DZANK1: variants seen among roughly 807,000 people sequenced by gnomAD.
The protein encoded by DZANK1 is double zinc ribbon and ankyrin repeat domains 1.
In DZANK1, 91 loss-of-function variants were observed where a neutral mutation model predicts 94.5. That is an observed-to-expected ratio of 0.96 (90% CI 0.81 to 1.15). The LOEUF (loss-of-function observed/expected upper bound fraction) is 1.15. DZANK1 is among the 50% of genes most tolerant of loss of function. The pLI, the probability that DZANK1 is intolerant of heterozygous loss-of-function variation, is 0.00. For synonymous variants in DZANK1, 312 were observed against 325.3 expected, an observed-to-expected ratio of 0.96 and a Z score of 0.44; for missense variants, 903 against 916.4, an observed-to-expected ratio of 0.99 and a Z score of 0.19.
At chr20:18,413,208 T>C (rs1161378399) in intron 12 of DZANK1, 1 of 270,118 alleles carries the variant, frequency 3.7e-6, no homozygotes, top group Non-Finnish European at 7.0e-6. Context: ...TTCTCTAACA[T>C]ACTTTCCTGC....
chr20:18,460,301 G>C lies in DZANK1; in HGVS notation c.115C>G (p.Pro39Ala), dbSNP rs780148339. The C allele has an allele frequency of 2.6e-6, 4 of 1,523,462 alleles. No individual in the cohort carries two copies. In the East Asian group the frequency reaches 9.3e-5, roughly 35 times the overall value. 94.4% of individuals were successfully genotyped at this position (1,523,462 alleles called of 1,614,324 possible). A position where few individuals can be genotyped will look rare whatever the true frequency, so the allele number is the denominator to read the frequency against. ...AGAGTATAATATATGTTGACATCTG[G>C]AGTGTCTGAAAAATCCAAAACAGGA... is the stretch of plus-strand genomic sequence containing the variant. Residue 39 changes from proline (P) to alanine (A), a missense_variant, in exon 3 of 21, where the codon CCA (proline) becomes GCA (alanine). Transcript: ENST00000262547.
intron 11 of DZANK1, among the ~76,000 whole-genome samples, chr20:18,414,859 G>A (rs915936015): frequency 6.6e-6 from 1 of 152,220 alleles, no homozygotes; most frequent in Non-Finnish European, 1.5e-5. Flanking sequence ...TTGGGTCAGT[G>A]TTCATAGCAC....
rs542915331 is a variant in DZANK1, at chr20:18,393,512, G to A, written c.1809+199C>T. 2.6e-5 allele frequency among the ~76,000 whole-genome samples: 4 copies of A among 152,344 alleles called. No individual in the cohort carries two copies. The East Asian group carries it at 7.7e-4, about 29-fold the overall frequency. On this transcript the variant is annotated intron_variant, in intron 17 of 20. Transcript: ENST00000262547. The stretch of plus-strand genomic sequence containing the variant: ...AAACACAGAGATGATTCAGGAAACT[G>A]ATGGGAACTTTGAAATAACTCTAAT...
chr20:18,454,960 T>C (rs1298135536), intron 4 of DZANK1, among the ~76,000 whole-genome samples: 1 of 152,210 alleles, frequency 6.6e-6, no homozygotes, highest in Non-Finnish European at 1.5e-5. Context: ...ATGACTTGGA[T>C]GGAAGGCTAA....
At chr20:18,449,992 C>A (rs542439385) in intron 6 of DZANK1, among the ~76,000 whole-genome samples, 119 of 151,394 alleles carry the variant, frequency 7.9e-4, no homozygotes, top group African/African-American at 2.4e-3. Context: ...GCAGGAGAAT[C>A]GCTTGAACCC....
chr20:18,386,593 T>G (rs1288781079), intron 19 of DZANK1, among the ~76,000 whole-genome samples: 1 of 151,290 alleles, frequency 6.6e-6, no homozygotes, highest in African/African-American at 2.4e-5. Flanking sequence ...GTTAGGAAAA[T>G]CTCTCGAAAG....
At chr20:18,406,125 CAA>C (rs1403333147) in intron 13 of DZANK1, among the ~76,000 whole-genome samples, 4 of 152,240 alleles carry the variant, frequency 2.6e-5, no homozygotes, top group African/African-American at 9.6e-5. Context: ...GTCTAGGACA[CAA>C]AGACTGAAAT....
chr20:18,412,610 C>T lies in DZANK1; in HGVS notation c.1432+36G>A, dbSNP rs550244425. Reference sequence around the variant, plus strand: ...GTTCTTTCACAGAAAGAGTGAATTCCCTCCCGACCAGAAGAAAGGGCATCC... The same window carrying T: ...GTTCTTTCACAGAAAGAGTGAATTCTCTCCCGACCAGAAGAAAGGGCATCC... On this transcript the variant is annotated intron_variant, in intron 13 of 20. Transcript: ENST00000262547. 8.2e-6 allele frequency: 13 copies of T among 1,589,450 alleles called. No homozygotes were observed. The African/African-American group carries it at 1.5e-4, about 18-fold the overall frequency.
At chr20:18,386,400 A>G (rs989118508) in intron 19 of DZANK1, among the ~76,000 whole-genome samples, 2 of 152,226 alleles carry the variant, frequency 1.3e-5, no homozygotes, top group South Asian at 4.1e-4. Flanking sequence ...CTGTAGAATC[A>G]AAGAGAAAAC....
rs569639299 is a variant in DZANK1 at position 18,384,568 on chromosome 20, C to G, written c.2094-4G>C. The G allele has an allele frequency of 6.3e-7, 1 of 1,595,954 alleles. No homozygotes were observed. Among genetic ancestry groups the G allele is most frequent in the African/African-American group, 1.3e-5 (1 of 74,678 alleles). Reference sequence around the variant, plus strand: ...CTTTTGGATGCTTGCATTGCATCTGCAAAGGAAATGGAGAAACGGAGGTGC... The same window carrying G: ...CTTTTGGATGCTTGCATTGCATCTGGAAAGGAAATGGAGAAACGGAGGTGC... On this transcript the variant is annotated splice_region_variant and splice_polypyrimidine_tract_variant and intron_variant, in intron 20 of 20. Transcript: ENST00000262547.
At chr20:18,384,942 C>A in intron 20 of DZANK1, 74 bp downstream of exon 20, 1 of 1,433,594 alleles carries the variant, frequency 7.0e-7, no homozygotes, top group South Asian at 1.2e-5. Flanking sequence ...CAAGGCCCCT[C>A]TTAAAATCAT....
At position 18,415,188 on chromosome 20, in the gene DZANK1, C is replaced by A. The variant is rs1287413057; in HGVS notation, c.1077+139G>T. ...GTGTAAGATAATTAATTATCTCTAT[C>A]TCCAGATTCTTAGGTTATAGGTACC... is the stretch of plus-strand genomic sequence containing the variant. On this transcript the variant is annotated intron_variant, in intron 11 of 20. Coordinates refer to ENST00000262547, the Ensembl canonical transcript of DZANK1. The A allele has an allele frequency of 7.2e-6, 6 of 834,248 alleles. No individual in the cohort carries two copies. The African/African-American group carries it at 1.1e-4, about 15-fold the overall frequency. The allele number at this position is 834,248 out of a possible 1,614,324, so 51.7% of individuals were successfully genotyped here. A position where few individuals can be genotyped will look rare whatever the true frequency, so the allele number is the denominator to read the frequency against.
intron 8 of DZANK1, among the ~76,000 whole-genome samples, chr20:18,437,189 C>T (rs370306198): frequency 1.3e-5 from 2 of 152,058 alleles, no homozygotes; most frequent in Non-Finnish European, 2.9e-5. Flanking sequence ...TGTATAACAC[C>T]GCATTTTTCA....
Position 18,394,914 on chromosome 20 carries a change from C to T in DZANK1, c.1612-564G>A, listed in dbSNP as rs141599809. 2.3e-3 allele frequency: 1,057 copies of T among 456,424 alleles called. 5 individuals carry two copies. The highest frequency in any genetic ancestry group is 2.6e-3 in the Non-Finnish European group (584 of 226,860). The allele number at this position is 456,424 out of a possible 1,614,324, so 28.3% of individuals were successfully genotyped here. Reference sequence around the variant, plus strand: ...AATGGCATGTCGTGAAAGCAAAATGCAGTAAAATGGGCGTCTACATAATGA... The same window carrying T: ...AATGGCATGTCGTGAAAGCAAAATGTAGTAAAATGGGCGTCTACATAATGA... On this transcript the variant is annotated intron_variant, in intron 15 of 20. Coordinates refer to ENST00000262547, the Ensembl canonical transcript of DZANK1.
intron 15 of DZANK1, among the ~76,000 whole-genome samples, chr20:18,396,184 T>C (rs2056329308): frequency 6.6e-6 from 1 of 152,216 alleles, no homozygotes; most frequent in Non-Finnish European, 1.5e-5. Flanking sequence ...AGCAAATATT[T>C]TTGTTAGTCT....
intron 8 of DZANK1, among the ~76,000 whole-genome samples, chr20:18,442,264 A>G (rs1240257104): frequency 6.6e-6 from 1 of 152,188 alleles, no homozygotes; most frequent in Non-Finnish European, 1.5e-5. Context: ...TTTCCAGGCA[A>G]GTAGAAAATA....
chr20:18,453,720 T>C lies in DZANK1; in HGVS notation c.475+11A>G. On this transcript the variant is annotated intron_variant, in intron 5 of 20. Transcript: ENST00000262547. The stretch of plus-strand genomic sequence containing the variant: ...AATACAAAACCTTGTCTTTGTTCTG[T>C]CACATCATACCTGGAAACTTTCTAA... 6.3e-7 allele frequency: 1 copy of C among 1,588,430 alleles called. No individual in the cohort carries two copies.
intron 4 of DZANK1, 110 bp from the exon 5 acceptor site, chr20:18,453,937 T>A: frequency 1.2e-6 from 1 of 821,752 alleles, no homozygotes; most frequent in Non-Finnish European, 2.1e-6. Context: ...AAAGAGTTTA[T>A]GGTCATTTGT....
chr20:18,460,158 G>A, exon 3 of DZANK1: 1 of 1,530,228 alleles, frequency 6.5e-7, no homozygotes, highest in Non-Finnish European at 8.9e-7. Flanking sequence ...CTTACTTAGA[G>A]ACAGCAATAG....
Sources: allele counts gnomAD v4.1 joint callset (sites outside exome capture counted in the v4.1 genomes callset), GRCh38; gene constraint gnomAD v4.1.1; transcripts MANE v1.5; gene names NCBI Gene and HGNC (gene_info 2026-07-23, HGNC 2026-07-21).